FNDC3A: variants seen among roughly 807,000 people sequenced by gnomAD.
FNDC3A encodes the protein fibronectin type III domain containing 3A, also known as fibronectin type-III domain-containing protein 3A.
A neutral mutation model predicts 148.9 loss-of-function variants in FNDC3A; 32 were observed. That is an observed-to-expected ratio of 0.21 (90% confidence interval 0.16 to 0.29). FNDC3A has a LOEUF of 0.29. Ranked by LOEUF, FNDC3A falls within the 10% of genes least tolerant of loss-of-function variation. The pLI is 1.00. For missense variants in FNDC3A, 1,191 were observed against 1,452.8 expected, an observed-to-expected ratio of 0.82 and a Z score of 2.93; for synonymous variants, 472 against 473.6, an observed-to-expected ratio of 1.00 and a Z score of 0.04.
chr13:49,132,694 T>G (rs1882105315), intron 5 of FNDC3A, among the ~76,000 whole-genome samples: 1 of 152,212 alleles, frequency 6.6e-6, no homozygotes, highest in Non-Finnish European at 1.5e-5. Context: ...GTCCCCTTAT[T>G]TCTTCAGTTT....
chr13:49,147,389 T>A (rs2137972189), intron 8 of FNDC3A, among the ~76,000 whole-genome samples: 1 of 152,276 alleles, frequency 6.6e-6, no homozygotes, highest in Admixed American at 6.5e-5. Flanking sequence ...TGAAACATAT[T>A]TATTTTTCAT....
At chr13:49,152,862 G>A (rs547578803) in intron 8 of FNDC3A, among the ~76,000 whole-genome samples, 18 of 150,904 alleles carry the variant, frequency 1.2e-4, no homozygotes, top group African/African-American at 2.7e-4. Context: ...CATTTTTTAT[G>A]GCTGCATAGT....
intron 2 of FNDC3A, among the ~76,000 whole-genome samples, chr13:49,028,972 A>G (rs746178123): frequency 2.0e-5 from 3 of 152,126 alleles, no homozygotes; most frequent in Non-Finnish European, 2.9e-5. Context: ...GCAAGCTTCA[A>G]TAGTAAGAAT....
intron 4 of FNDC3A, among the ~76,000 whole-genome samples, chr13:49,122,885 G>C (rs1037232584): frequency 6.6e-6 from 1 of 152,144 alleles, no homozygotes; most frequent in African/African-American, 2.4e-5. Flanking sequence ...CATGCTCGTG[G>C]ATAGGAAGAA....
chr13:49,196,110 T>C (rs940881367), intron 19 of FNDC3A, among the ~76,000 whole-genome samples: 1 of 145,180 alleles, frequency 6.9e-6, no homozygotes, highest in Admixed American at 6.9e-5. Flanking sequence ...AAAAAAGAAG[T>C]TGAGCTAGCT....
chr13:49,029,694 G>A (rs1031982755), intron 2 of FNDC3A, among the ~76,000 whole-genome samples: 1 of 152,202 alleles, frequency 6.6e-6, no homozygotes, highest in East Asian at 1.9e-4. Context: ...AATTGTTGGT[G>A]GTGCAGTGGT....
In FNDC3A at chr13:49,131,170, G is replaced by A; in HGVS notation, c.286G>A (p.Val96Met). 6.2e-7 allele frequency: 1 copy of A among 1,613,616 alleles called. No individual in the cohort carries two copies. ...IEDNGVRRVV[V>M]VPQAPEFHPG... ...AGACAATGGTGTTCGAAGAGTTGTC[G>A]TGGTCCCTCAGGCACCAGAGTTTCA... is the stretch of plus-strand genomic sequence containing the variant. The change falls in exon 5 of 26, where the codon GTG (valine) becomes ATG (methionine). Residue 96 changes from valine to methionine, a missense_variant. Around this residue, in one of 3 missense-constraint regions of FNDC3A, gnomAD observed 426 missense variants for 473.2 expected, o/e 0.90. Coordinates refer to ENST00000492622, the MANE Select transcript of FNDC3A (RefSeq NM_001079673.2).
chr13:49,014,675 T>G (rs1379066724), intron 2 of FNDC3A, among the ~76,000 whole-genome samples: 13 of 145,560 alleles, frequency 8.9e-5, no homozygotes, highest in African/African-American at 3.3e-4. Flanking sequence ...TCCTTGCCCA[T>G]GCCTATGTCC....
intron 2 of FNDC3A, among the ~76,000 whole-genome samples, chr13:49,053,663 G>C (rs1400076963): frequency 1.3e-5 from 2 of 152,148 alleles, no homozygotes; most frequent in African/African-American, 4.8e-5. Flanking sequence ...GGAATCAATA[G>C]AAAGAAGCGT....
At chr13:49,070,881 C>CTTTTTTTTTTTTTTTTTTTTTT (rs758290861) in intron 2 of FNDC3A, among the ~76,000 whole-genome samples, 34 of 120,954 alleles carry the variant, frequency 2.8e-4, no homozygotes, top group Non-Finnish European at 3.4e-4. Flanking sequence ...AACAGGATTT[C>CTTTTTTTTTTTTTTTTTTTTTT]TTTTTTTTTT....
rs555719496 is a variant in FNDC3A at position 49,117,632 on chromosome 13, AC to A, written c.252+2902del. Among the ~76,000 whole-genome samples the A allele has an allele frequency of 1.2e-3, 186 of 152,340 alleles. 1 individual carries two copies. Among genetic ancestry groups the A allele is most frequent in the South Asian group, 3.7e-3 (18 of 4,824 alleles). ...AAAAAAAATTGCATCTATACTGAAC[AC>A]GTACAGACTTTCTTGTCACATTTCT... On this transcript the variant is annotated intron_variant, in intron 4 of 25. Transcript: ENST00000492622.
intron 1 of FNDC3A, among the ~76,000 whole-genome samples, chr13:48,991,391 T>C (rs2137567036): frequency 6.6e-6 from 1 of 152,240 alleles, no homozygotes; most frequent in African/African-American, 2.4e-5. Flanking sequence ...AATATGCATC[T>C]AGTATAGGAA....
At chr13:49,026,738 C>T (rs1873742769) in intron 2 of FNDC3A, among the ~76,000 whole-genome samples, 1 of 152,094 alleles carries the variant, frequency 6.6e-6, no homozygotes, top group African/African-American at 2.4e-5. Flanking sequence ...CTCCTGGGCT[C>T]AAGTGATCTT....
chr13:49,034,889 A>C (rs1242798809), intron 2 of FNDC3A, among the ~76,000 whole-genome samples: 1 of 152,044 alleles, frequency 6.6e-6, no homozygotes, highest in Non-Finnish European at 1.5e-5. Flanking sequence ...TGCTTGATTA[A>C]CAATAAAGTA....
At chr13:49,093,920 G>A (rs1879354503) in intron 3 of FNDC3A, among the ~76,000 whole-genome samples, 2 of 152,116 alleles carry the variant, frequency 1.3e-5, no homozygotes, top group South Asian at 4.1e-4. Context: ...ATTGCAAGAT[G>A]TAGTTTTTCC....
chr13:49,156,671 T>C (rs1883712478), intron 8 of FNDC3A, among the ~76,000 whole-genome samples: 1 of 151,664 alleles, frequency 6.6e-6, no homozygotes, highest in Admixed American at 6.6e-5. Flanking sequence ...GTTGTTGCTT[T>C]CCATGTTTAC....
intron 8 of FNDC3A, chr13:49,146,153 C>G: frequency 4.3e-6 from 2 of 464,918 alleles, no homozygotes; most frequent in South Asian, 2.9e-5. Flanking sequence ...TGGCCACATT[C>G]AGCTTTTTTT....
At chr13:49,159,524 ACACT>A in intron 8 of FNDC3A, among the ~76,000 whole-genome samples, 1 of 152,186 alleles carries the variant, frequency 6.6e-6, no homozygotes, top group East Asian at 1.9e-4. Context: ...TCGGGCTGAG[ACACT>A]GGGGTTTTCT....
chr13:49,197,657 G>A, intron 20 of FNDC3A, 68 bp from the exon 21 acceptor site: 1 of 1,366,654 alleles, frequency 7.3e-7, no homozygotes, highest in Non-Finnish European at 1.0e-6. Context: ...CAGGTAAAGA[G>A]CATTTTTGGC....
Sources: gnomAD v4.1 joint callset for allele counts (sites outside exome capture counted in the v4.1 genomes callset) on GRCh38, gnomAD v4.1.1 for gene constraint, gnomAD v4.1.1 regional missense constraint, MANE v1.5 for transcripts, NCBI Gene and HGNC (gene_info 2026-07-23, HGNC 2026-07-21) for gene names.